Variants in LMLN observed in about 807,000 individuals in gnomAD.
The protein encoded by LMLN is leishmanolysin-like peptidase.
A neutral mutation model predicts 92.3 loss-of-function variants in LMLN; 70 were observed. The ratio of observed to expected loss-of-function variants is 0.76; its 90% CI spans 0.63 to 0.92. The LOEUF (loss-of-function observed/expected upper bound fraction) is 0.92. Among genes scored for constraint, LMLN ranks in the 40% least tolerant of loss-of-function variants. The pLI is 0.00. For synonymous variants in LMLN, 308 were observed against 296.2 expected, an observed-to-expected ratio of 1.04 and a Z score of -0.41; for missense variants, 691 against 814.6, an observed-to-expected ratio of 0.85 and a Z score of 1.85.
intron 1 of LMLN, among the ~76,000 whole-genome samples, chr3:197,969,652 G>A (rs1286573477): frequency 1.3e-5 from 2 of 152,044 alleles, no homozygotes; most frequent in Admixed American, 6.6e-5. Context: ...TGTCCCACAC[G>A]CACTGAAGCA....
chr3:198,033,821 C>T (rs892859614), intron 14 of LMLN, among the ~76,000 whole-genome samples: 1 of 152,180 alleles, frequency 6.6e-6, no homozygotes. Context: ...GATCAAGTCT[C>T]GCTTTAAAGA....
chr3:197,974,349 C>G, intron 1 of LMLN, 28 bp from the exon 2 acceptor site: 1 of 1,204,000 alleles, frequency 8.3e-7, no homozygotes, highest in Non-Finnish European at 1.2e-6. Context: ...ATGTCTTAAA[C>G]AGTTTTCAAA....
chr3:198,024,405 C>T (rs1370650367), intron 13 of LMLN, among the ~76,000 whole-genome samples: 2 of 152,000 alleles, frequency 1.3e-5, no homozygotes, highest in African/African-American at 4.8e-5. Context: ...TTAATAGAGA[C>T]GGGGTTTCAC....
At chr3:197,978,231 A>G (rs1204972052) in intron 5 of LMLN, among the ~76,000 whole-genome samples, 5 of 152,244 alleles carry the variant, frequency 3.3e-5, no homozygotes, top group Non-Finnish European at 5.9e-5. Context: ...TAAAAATGTT[A>G]ATCATTTCTT....
chr3:197,978,396 G>T (rs1212882630), intron 5 of LMLN, among the ~76,000 whole-genome samples: 1 of 152,114 alleles, frequency 6.6e-6, no homozygotes, highest in Non-Finnish European at 1.5e-5. Context: ...AGTACTTTGG[G>T]AGGCCAAGGC....
At chr3:198,034,489 T>A (rs768918798) in intron 14 of LMLN, among the ~76,000 whole-genome samples, 2 of 152,020 alleles carry the variant, frequency 1.3e-5, no homozygotes, top group Non-Finnish European at 2.9e-5. Flanking sequence ...CACAGGCCTG[T>A]AGTCCCAGCT....
chr3:197,977,340 A>T (rs1309547459), intron 5 of LMLN, among the ~76,000 whole-genome samples: 1 of 152,210 alleles, frequency 6.6e-6, no homozygotes, highest in African/African-American at 2.4e-5. Context: ...CACAGACAAT[A>T]AAAAAATGAT....
At chr3:197,975,324 A>G (rs1721339498) in intron 3 of LMLN, among the ~76,000 whole-genome samples, 1 of 151,868 alleles carries the variant, frequency 6.6e-6, no homozygotes, top group Non-Finnish European at 1.5e-5. Context: ...TGCTTTCTCA[A>G]GTTTTTGGGG....
At position 198,020,768 on chromosome 3, in the gene LMLN, A is replaced by ATTTTTTTTTTTT. The variant is rs71166715; in HGVS notation, c.1366-657_1366-646dup. 9.4e-4 allele frequency among the ~76,000 whole-genome samples: 31 copies of ATTTTTTTTTTTT among 32,870 alleles called. 3 individuals are homozygous for ATTTTTTTTTTTT. The highest frequency in any genetic ancestry group is 1.1e-3 in the East Asian group (1 of 882). 21.6% of individuals were successfully genotyped at this position (32,870 alleles called of 152,430 possible). On this transcript the variant is annotated intron_variant, in intron 12 of 15. Coordinates refer to ENST00000330198, the Ensembl canonical transcript of LMLN. ...GCCACCACACCCAGCTAATTTTTGTATTTTTTTTTTTTTTTTTTTTTTTTT... is the reference window on the plus strand; with the variant it reads ...GCCACCACACCCAGCTAATTTTTGTATTTTTTTTTTTTTTTTTTTTTTTTTTTTTTTTTTTTT...
chr3:198,011,294 T>A lies in LMLN; in HGVS notation c.1233-7959T>A, dbSNP rs930992499. On this transcript the variant is annotated intron_variant, in intron 11 of 15. Coordinates refer to ENST00000330198, the Ensembl canonical transcript of LMLN. ...CTCACTCCCCCCACCCCACAACAGGTCCTGGTGTGTGATGTTCCCCTTCCT... is the reference window on the plus strand; with the variant it reads ...CTCACTCCCCCCACCCCACAACAGGACCTGGTGTGTGATGTTCCCCTTCCT... 2.1e-5 allele frequency among the ~76,000 whole-genome samples: 3 copies of A among 142,016 alleles called. No homozygotes were observed. The Admixed American group carries it at 2.3e-4, about 11-fold the overall frequency. 93.2% of individuals were successfully genotyped at this position (142,016 alleles called of 152,430 possible).
At chr3:197,975,961 G>A in intron 3 of LMLN, 68 bp from the exon 4 acceptor site, 2 of 958,486 alleles carry the variant, frequency 2.1e-6, no homozygotes, top group Admixed American at 2.6e-5. Context: ...TCCTGTGTTT[G>A]CTTCTTTTAA....
intron 11 of LMLN, among the ~76,000 whole-genome samples, chr3:198,007,231 G>T (rs1014005156): frequency 2.0e-5 from 3 of 152,080 alleles, no homozygotes; most frequent in Admixed American, 1.3e-4. Flanking sequence ...CTGTGTCTTT[G>T]ATGTCAAGTC....
At chr3:198,010,077 G>A (rs924755355) in intron 11 of LMLN, among the ~76,000 whole-genome samples, 1 of 151,752 alleles carries the variant, frequency 6.6e-6, no homozygotes, top group Non-Finnish European at 1.5e-5. Context: ...TTGTTTTTTT[G>A]TTTTCAAATT....
chr3:197,965,265 T>A (rs777672461), intron 1 of LMLN, among the ~76,000 whole-genome samples: 5 of 152,194 alleles, frequency 3.3e-5, no homozygotes, highest in Non-Finnish European at 7.3e-5. Context: ...GCAATCCTCC[T>A]GCTTCAGCCT....
chr3:198,036,803 A>G (rs1389600110), intron 15 of LMLN, among the ~76,000 whole-genome samples: 2 of 152,234 alleles, frequency 1.3e-5, no homozygotes, highest in Non-Finnish European at 2.9e-5. Flanking sequence ...TAAATGACCT[A>G]TGAGATTTTT....
At chr3:198,017,772 C>T (rs1206301843) in intron 11 of LMLN, among the ~76,000 whole-genome samples, 3 of 152,078 alleles carry the variant, frequency 2.0e-5, no homozygotes, top group Non-Finnish European at 2.9e-5. Context: ...CAAAAATTAG[C>T]TGGGTGTAGT....
At position 198,021,430 on chromosome 3, in the gene LMLN, A is replaced by T. The variant is rs991213269; in HGVS notation, c.1366-16A>T. ...ATGTTTCTTACTTTCTTGTCTTCCC[A>T]ATATTTTTTCTGCAGTACTTTGATG... On this transcript the variant is annotated splice_polypyrimidine_tract_variant and intron_variant, in intron 12 of 15. Coordinates refer to ENST00000330198, the Ensembl canonical transcript of LMLN. 6.2e-7 allele frequency: 1 copy of T among 1,610,400 alleles called. No individual in the cohort carries two copies. Among genetic ancestry groups the T allele is most frequent in the Non-Finnish European group, 8.5e-7 (1 of 1,178,330 alleles).
At chr3:198,037,436 G>T (rs934515627) in intron 15 of LMLN, among the ~76,000 whole-genome samples, 1 of 152,146 alleles carries the variant, frequency 6.6e-6, no homozygotes, top group African/African-American at 2.4e-5. Context: ...GATCACTTGA[G>T]GTCAGGAGTT....
chr3:198,029,110 T>C (rs749610776), intron 14 of LMLN, among the ~76,000 whole-genome samples: 2 of 152,222 alleles, frequency 1.3e-5, no homozygotes, highest in Non-Finnish European at 2.9e-5. Flanking sequence ...TCTCTCTAAT[T>C]AGAAACCAGA....
Sources: allele counts gnomAD v4.1 joint callset (sites outside exome capture counted in the v4.1 genomes callset), GRCh38; gene constraint gnomAD v4.1.1; transcripts MANE v1.5; gene names NCBI Gene and HGNC (gene_info 2026-07-23, HGNC 2026-07-21).